Variants in GALNT14 observed in about 807,000 individuals in gnomAD.
GALNT14 encodes the protein polypeptide N-acetylgalactosaminyltransferase 14.
A neutral mutation model predicts 77.5 loss-of-function variants in GALNT14; 60 were observed. The ratio of observed to expected loss-of-function variants is 0.77; its 90% CI spans 0.63 to 0.96. The LOEUF is 0.96. GALNT14 is among the 40% of genes least tolerant of loss of function. The pLI is 0.00. For missense variants in GALNT14, 710 were observed against 731.0 expected (o/e 0.97, Z 0.33); for synonymous variants, 280 against 281.7 (o/e 0.99, Z 0.06).
In GALNT14 at chr2:31,009,447, T is replaced by G. The variant is rs1211065973; in HGVS notation, c.130-16440A>C. Among the ~76,000 whole-genome samples, 5 of 152,170 alleles carry G rather than the reference T, an allele frequency of 3.3e-5. No homozygotes were observed. The South Asian group carries it at 8.3e-4, about 25-fold the overall frequency. On this transcript the variant is annotated intron_variant, in intron 1 of 14. Transcript: ENST00000349752. The stretch of plus-strand genomic sequence containing the variant: ...CTCATTGTTGGAAGTGTGCATGGAT[T>G]TAGCCCTGGTCCCTCCTCTCCACTC...
intron 1 of GALNT14, among the ~76,000 whole-genome samples, chr2:31,136,075 C>T (rs1474083198): frequency 6.6e-6 from 1 of 152,086 alleles, no homozygotes; most frequent in African/African-American, 2.4e-5. Flanking sequence ...GGGAGCAGAA[C>T]CACCTAGGGA....
At chr2:31,047,065 C>T (rs968690340) in intron 1 of GALNT14, among the ~76,000 whole-genome samples, 5 of 152,172 alleles carry the variant, frequency 3.3e-5, no homozygotes, top group African/African-American at 1.2e-4. Context: ...AATCTCACAG[C>T]ATAGATCACC....
At chr2:31,105,661 G>A (rs1048894225) in intron 1 of GALNT14, among the ~76,000 whole-genome samples, 3 of 151,890 alleles carry the variant, frequency 2.0e-5, no homozygotes, top group African/African-American at 7.3e-5. Flanking sequence ...GGAGGCAGAG[G>A]TTACAGTGAG....
chr2:30,971,670 C>T (rs181881044), intron 2 of GALNT14, among the ~76,000 whole-genome samples: 103 of 152,226 alleles, frequency 6.8e-4, no homozygotes, highest in African/African-American at 2.3e-3. Context: ...CAGGAAAGTG[C>T]TCTGAGATGC....
chr2:31,075,855 T>A (rs1342144378), intron 1 of GALNT14, among the ~76,000 whole-genome samples: 1 of 152,210 alleles, frequency 6.6e-6, no homozygotes, highest in Non-Finnish European at 1.5e-5. Context: ...ACAGACACAT[T>A]CGTGAGTTAG....
intron 1 of GALNT14, among the ~76,000 whole-genome samples, chr2:31,108,670 C>T (rs1363775640): frequency 1.3e-5 from 2 of 152,178 alleles, no homozygotes; most frequent in Non-Finnish European, 2.9e-5. Context: ...AATCATATGC[C>T]CTTTTTCAGA....
intron 1 of GALNT14, among the ~76,000 whole-genome samples, chr2:31,012,621 A>G (rs1471013083): frequency 6.6e-6 from 1 of 152,224 alleles, no homozygotes; most frequent in African/African-American, 2.4e-5. Flanking sequence ...CATGGTGAAA[A>G]AAGGGTTAAG....
At chr2:31,042,941 C>T (rs1393763827) in intron 1 of GALNT14, among the ~76,000 whole-genome samples, 2 of 152,136 alleles carry the variant, frequency 1.3e-5, no homozygotes, top group Non-Finnish European at 2.9e-5. Flanking sequence ...GAATGGCTCC[C>T]CATTTCCTTC....
intron 1 of GALNT14, among the ~76,000 whole-genome samples, chr2:31,064,659 G>A (rs1674819311): frequency 6.6e-6 from 1 of 152,048 alleles, no homozygotes; most frequent in African/African-American, 2.4e-5. Flanking sequence ...TGGCAGAAGT[G>A]AGATCATCCT....
At chr2:30,952,734 C>T (rs1030511371) in intron 6 of GALNT14, among the ~76,000 whole-genome samples, 1 of 145,922 alleles carries the variant, frequency 6.9e-6, no homozygotes, top group African/African-American at 2.6e-5. Context: ...ACATTGTGCA[C>T]ATGTACCCTA....
chr2:31,071,444 G>T (rs1304561060), intron 1 of GALNT14, among the ~76,000 whole-genome samples: 1 of 152,138 alleles, frequency 6.6e-6, no homozygotes, highest in Non-Finnish European at 1.5e-5. Context: ...ATCAAGGGTG[G>T]ATGGAAAAAC....
At chr2:30,936,798 C>T (rs748639899) in intron 9 of GALNT14, among the ~76,000 whole-genome samples, 4 of 152,216 alleles carry the variant, frequency 2.6e-5, no homozygotes, top group Non-Finnish European at 4.4e-5. Context: ...TCCATCCACA[C>T]CTCTTACTCT....
intron 1 of GALNT14, among the ~76,000 whole-genome samples, chr2:31,112,379 C>A (rs1475735478): frequency 2.6e-5 from 4 of 152,206 alleles, no homozygotes; most frequent in Non-Finnish European, 5.9e-5. Flanking sequence ...CTTAGCTTCT[C>A]AGAATCTCAT....
At chr2:30,982,775 G>C (rs976997812) in intron 2 of GALNT14, among the ~76,000 whole-genome samples, 1 of 152,172 alleles carries the variant, frequency 6.6e-6, no homozygotes, top group Non-Finnish European at 1.5e-5. Flanking sequence ...TATACCTGCA[G>C]GAGGTGTGTA....
At chr2:31,137,899 G>C in intron 1 of GALNT14, 59 bp downstream of exon 1, 1 of 1,552,266 alleles carries the variant, frequency 6.4e-7, no homozygotes, top group Non-Finnish European at 8.7e-7. Flanking sequence ...CCCGGCACGC[G>C]GGCTGCGCGC....
chr2:30,952,587 A>G (rs1385141962), intron 6 of GALNT14, among the ~76,000 whole-genome samples: 3 of 131,662 alleles, frequency 2.3e-5, no homozygotes, highest in African/African-American at 8.6e-5. Context: ...AGGAAGGGGA[A>G]TATCACACTC....
At chr2:30,996,004 T>C (rs1670007962) in intron 1 of GALNT14, among the ~76,000 whole-genome samples, 1 of 152,160 alleles carries the variant, frequency 6.6e-6, no homozygotes, top group Non-Finnish European at 1.5e-5. Flanking sequence ...GCAGGAGGAA[T>C]TCCCTCTTAG....
intron 9 of GALNT14, among the ~76,000 whole-genome samples, chr2:30,938,492 T>C (rs1387053966): frequency 6.6e-6 from 1 of 152,236 alleles, no homozygotes; most frequent in East Asian, 1.9e-4. Flanking sequence ...CACTGTGTTA[T>C]GTAAATTGCA....
At chr2:30,980,245 C>T (rs1000608496) in intron 2 of GALNT14, among the ~76,000 whole-genome samples, 5 of 152,208 alleles carry the variant, frequency 3.3e-5, no homozygotes, top group African/African-American at 4.8e-5. Flanking sequence ...CCATGTCACC[C>T]GTTTCTCCAC....
Sources: allele counts gnomAD v4.1 joint callset (sites outside exome capture counted in the v4.1 genomes callset), GRCh38; gene constraint gnomAD v4.1.1; transcripts MANE v1.5; gene names NCBI Gene and HGNC (gene_info 2026-07-23, HGNC 2026-07-21).